TUSC3: variants seen among roughly 807,000 people sequenced by gnomAD.
The protein encoded by TUSC3 is tumor suppressor candidate 3.
Under a neutral mutation model 44.8 loss-of-function variants are expected in TUSC3, and 45 were observed. The ratio of observed to expected loss-of-function variants is 1.00; its 90% CI spans 0.79 to 1.29. TUSC3 has a LOEUF of 1.29. Ranked by LOEUF, TUSC3 falls within the 50% of genes most tolerant of loss-of-function variation. TUSC3 has a pLI of 0.00. For synonymous variants in TUSC3, 212 were observed against 152.9 expected, an observed-to-expected ratio of 1.39 and a Z score of -2.85; for missense variants, 519 against 437.9, an observed-to-expected ratio of 1.19 and a Z score of -1.65.
rs1563247134 is a variant in TUSC3 at position 15,423,969 on chromosome 8, G to GTTTTTGTTTTGTTTTTTTTTTTTTTT, written n.91+6669_91+6670insGTTTTGTTTTTTTTTTTTTTTTTTTT. 3.4e-4 allele frequency among the ~76,000 whole-genome samples: 24 copies of GTTTTTGTTTTGTTTTTTTTTTTTTTT among 70,394 alleles called. 6 individuals carry two copies. Among genetic ancestry groups the GTTTTTGTTTTGTTTTTTTTTTTTTTT allele is most frequent in the Admixed American group, 8.3e-4 (4 of 4,830 alleles). The allele number at this position is 70,394 out of a possible 152,430, so 46.2% of individuals were successfully genotyped here. On this transcript the variant is annotated intron_variant and non_coding_transcript_variant, in intron 1 of 5. Coordinates refer to the TUSC3 transcript ENST00000503191. ...TACAGCATTCATACTGTTTTGCTTT[G>GTTTTTGTTTTGTTTTTTTTTTTTTTT]TTTTTTTTTTTTTTTTTTTTTTTTT...
At chr8:15,782,715 T>C in the TUSC3 span, among the ~76,000 whole-genome samples, 1 of 152,178 alleles carries the variant, frequency 6.6e-6, no homozygotes, top group Non-Finnish European at 1.5e-5. Context: ...CTCATCAAAT[T>C]ACTTACAGAA....
intron 1 of TUSC3, among the ~76,000 whole-genome samples, chr8:15,445,594 A>C (rs1800086011): frequency 6.6e-6 from 1 of 152,214 alleles, no homozygotes; most frequent in Non-Finnish European, 1.5e-5. Flanking sequence ...TTTAACCCTG[A>C]GTGGACACAG....
At position 15,643,600 on chromosome 8, in the gene TUSC3, T is replaced by C. The variant is rs571445558; in HGVS notation, c.309-7097T>C. Among the ~76,000 whole-genome samples, 151 of 152,334 alleles carry C rather than the reference T, an allele frequency of 9.9e-4. 1 individual carries two copies. In the South Asian group the frequency reaches 0.021, roughly 21 times the overall value. On this transcript the variant is annotated intron_variant, in intron 2 of 10. Coordinates refer to ENST00000503731, the MANE Select transcript of TUSC3 (RefSeq NM_006765.4). ...ACTTAGGTCTGATGAAGAAAATGGA[T>C]GCACAGGGAACAGCTTTAAGAAACA...
At chr8:15,828,213 G>A in the TUSC3 span, among the ~76,000 whole-genome samples, 21 of 152,086 alleles carry the variant, frequency 1.4e-4, no homozygotes, top group Non-Finnish European at 1.9e-4. Context: ...CAGGCTGGTC[G>A]CGAACTCCCC....
intron 1 of TUSC3, among the ~76,000 whole-genome samples, chr8:15,603,613 T>A (rs1010409500): frequency 6.6e-6 from 1 of 151,622 alleles, no homozygotes; most frequent in African/African-American, 2.4e-5. Flanking sequence ...GATATGGTAA[T>A]ATTTTTATGA....
At chr8:15,650,875 T>A in intron 3 of TUSC3, 61 bp downstream of exon 3, 2 of 1,539,812 alleles carry the variant, frequency 1.3e-6, no homozygotes, top group Non-Finnish European at 1.8e-6. Context: ...TACATTTTTG[T>A]TTGTCACATA....
chr8:15,665,184 C>G (rs1807604707), intron 5 of TUSC3, among the ~76,000 whole-genome samples: 1 of 151,410 alleles, frequency 6.6e-6, no homozygotes, highest in Admixed American at 6.6e-5. Context: ...AAGCCTTTGA[C>G]TGGACAGTAA....
intron 1 of TUSC3, among the ~76,000 whole-genome samples, chr8:15,467,736 A>G (rs148505288): frequency 4.1e-4 from 63 of 152,224 alleles, no homozygotes; most frequent in African/African-American, 1.4e-3. Flanking sequence ...ATGTTCTTGG[A>G]TATGTAATCA....
downstream of TUSC3, among the ~76,000 whole-genome samples, chr8:15,769,023 G>A (rs1812396857): frequency 6.6e-6 from 1 of 152,080 alleles, no homozygotes; most frequent in Non-Finnish European, 1.5e-5. Context: ...TAGATTAAAT[G>A]CTATCCATCA....
At chr8:15,581,319 G>C (rs1215365497) in intron 1 of TUSC3, among the ~76,000 whole-genome samples, 1 of 149,072 alleles carries the variant, frequency 6.7e-6, no homozygotes, top group African/African-American at 2.5e-5. Flanking sequence ...CTCTCAGCTC[G>C]TCAAAGTCAT....
At chr8:15,581,226 T>G (rs1308870573) in intron 1 of TUSC3, among the ~76,000 whole-genome samples, 5 of 126,516 alleles carry the variant, frequency 4.0e-5, no homozygotes, top group African/African-American at 6.6e-5. Context: ...CTTCTAAATT[T>G]TTTTCAAAGT....
intron 2 of TUSC3, among the ~76,000 whole-genome samples, chr8:15,648,599 G>A (rs1177722595): frequency 6.6e-6 from 1 of 151,504 alleles, no homozygotes; most frequent in Admixed American, 6.6e-5. Context: ...GGTGGCACAC[G>A]CCTGTAGTCC....
the TUSC3 span, among the ~76,000 whole-genome samples, chr8:15,829,817 T>C: frequency 6.6e-6 from 1 of 152,126 alleles, no homozygotes; most frequent in Non-Finnish European, 1.5e-5. Flanking sequence ...AGATACCCAG[T>C]AGTGGGGAGG....
At chr8:15,790,775 G>T in the TUSC3 span, among the ~76,000 whole-genome samples, 3 of 152,132 alleles carry the variant, frequency 2.0e-5, no homozygotes, top group Non-Finnish European at 4.4e-5. Context: ...GAATCAAGGT[G>T]TATTTGAGGA....
At chr8:15,697,017 A>G (rs1160822139) in intron 6 of TUSC3, among the ~76,000 whole-genome samples, 1 of 152,130 alleles carries the variant, frequency 6.6e-6, no homozygotes, top group African/African-American at 2.4e-5. Flanking sequence ...GGAGGGTTGC[A>G]TCTTGCCAGG....
chr8:15,489,419 G>A (rs1800777231), intron 2 of TUSC3, among the ~76,000 whole-genome samples: 1 of 152,182 alleles, frequency 6.6e-6, no homozygotes, highest in South Asian at 2.1e-4. Flanking sequence ...GATGGCAGCT[G>A]TTTTCTATTC....
At chr8:15,448,812 T>G (rs895824865) in intron 1 of TUSC3, among the ~76,000 whole-genome samples, 8 of 152,210 alleles carry the variant, frequency 5.3e-5, no homozygotes, top group Admixed American at 2.6e-4. Flanking sequence ...TTCCATACAG[T>G]TATGCATTTT....
At chr8:15,834,941 T>C in the TUSC3 span, among the ~76,000 whole-genome samples, 2 of 152,188 alleles carry the variant, frequency 1.3e-5, no homozygotes, top group Admixed American at 6.5e-5. Flanking sequence ...GGACTGGTTG[T>C]GGGACTTAAG....
At chr8:15,523,648 ATATATATATATATATATG>A (rs1237082716) in intron 2 of TUSC3, among the ~76,000 whole-genome samples, 12 of 5,800 alleles carry the variant, frequency 2.1e-3, no homozygotes, top group African/African-American at 3.4e-3. Context: ...ACATATATAT[ATATATATATATATATATG>A]TGTGTGTGTG....
Sources: allele counts gnomAD v4.1 joint callset (sites outside exome capture counted in the v4.1 genomes callset), GRCh38; gene constraint gnomAD v4.1.1; transcripts MANE v1.5; gene names NCBI Gene and HGNC (gene_info 2026-07-23, HGNC 2026-07-21).